Variants in PPARG observed in about 807,000 individuals in gnomAD.
PPARG encodes peroxisome proliferator-activated receptor gamma.
In PPARG, 17 loss-of-function variants were observed where a neutral mutation model predicts 39.2. The ratio of observed to expected loss-of-function variants is 0.43; its 90% confidence interval spans 0.30 to 0.65. PPARG has a LOEUF of 0.65. PPARG is among the 30% of genes least tolerant of loss of function. PPARG has a pLI of 0.13. For missense variants in PPARG, 406 were observed against 585.9 expected, an observed-to-expected ratio of 0.69 and a Z score of 3.17; for synonymous variants, 223 against 215.7, an observed-to-expected ratio of 1.03 and a Z score of -0.30.
Position 12,348,630 on chromosome 3 carries a change from A to G in PPARG, c.-8-31074A>G, listed in dbSNP as rs559028354. Among the ~76,000 whole-genome samples the G allele has an allele frequency of 1.1e-4, 17 of 152,260 alleles. No homozygotes were observed. In the South Asian group the frequency reaches 3.3e-3, roughly 30 times the overall value. On this transcript the variant is annotated intron_variant, in intron 2 of 7. Transcript: ENST00000651735. ...CCTAGGAGAGATGGCCCTCTTCTCA[A>G]CCTCTACATTGCACAGAACCTTACA...
chr3:12,397,966 T>G (rs1387771635), intron 5 of PPARG, among the ~76,000 whole-genome samples: 1 of 152,102 alleles, frequency 6.6e-6, no homozygotes, highest in Non-Finnish European at 1.5e-5. Flanking sequence ...GGCTTATGCT[T>G]GGATACCTCT....
chr3:12,402,160 C>T (rs547946737), intron 5 of PPARG, among the ~76,000 whole-genome samples: 2 of 152,202 alleles, frequency 1.3e-5, no homozygotes, highest in South Asian at 4.1e-4. Flanking sequence ...ATGCCTGGCG[C>T]ACAATAGTCA....
At chr3:12,302,691 T>G (rs554957771) in intron 1 of PPARG, among the ~76,000 whole-genome samples, 1 of 152,226 alleles carries the variant, frequency 6.6e-6, no homozygotes, top group Admixed American at 6.5e-5. Flanking sequence ...AGAAACATGG[T>G]TGGAAGTGTA....
intron 6 of PPARG, among the ~76,000 whole-genome samples, chr3:12,408,841 A>T (rs1040458908): frequency 1.8e-4 from 5 of 27,066 alleles, no homozygotes; most frequent in African/African-American, 6.0e-4. Context: ...AAAGACTGAT[A>T]AAAAAAAAGC....
At chr3:12,339,981 G>A (rs372663654) in intron 2 of PPARG, among the ~76,000 whole-genome samples, 15 of 152,226 alleles carry the variant, frequency 9.9e-5, no homozygotes, top group Non-Finnish European at 1.6e-4. Flanking sequence ...TGAAAGTTCC[G>A]TACAAGACTG....
rs543941421 is a variant in PPARG, at chr3:12,379,336, T to G, written c.-8-368T>G. On this transcript the variant is annotated intron_variant, in intron 2 of 7. Coordinates refer to ENST00000651735, the MANE Select transcript of PPARG (RefSeq NM_138711.6). ...CCTTAAGTTTAAAAATTTTTGTCTA[T>G]TATACTCAATAAAGCTGGACAAAAT... 2.0e-5 allele frequency among the ~76,000 whole-genome samples: 3 copies of G among 152,254 alleles called. No individual in the cohort carries two copies. In the East Asian group the frequency reaches 5.8e-4, roughly 29 times the overall value.
At chr3:12,290,544 C>G (rs2046623541) in intron 1 of PPARG, among the ~76,000 whole-genome samples, 1 of 151,812 alleles carries the variant, frequency 6.6e-6, no homozygotes, top group African/African-American at 2.4e-5. Flanking sequence ...CTAGATTATG[C>G]TTTAAATTGC....
At chr3:12,399,490 G>A in intron 5 of PPARG, 1 of 427,652 alleles carries the variant, frequency 2.3e-6, no homozygotes, top group Middle Eastern at 3.5e-4. Context: ...AGGAGGCTGA[G>A]GTAGGAGCTT....
chr3:12,340,182 C>T (rs1486722642), intron 2 of PPARG, among the ~76,000 whole-genome samples: 2 of 152,172 alleles, frequency 1.3e-5, no homozygotes, highest in African/African-American at 4.8e-5. Flanking sequence ...TCTCCTGCTG[C>T]CTAAGGAAGG....
At chr3:12,404,929 G>A (rs932653851) in intron 5 of PPARG, among the ~76,000 whole-genome samples, 4 of 152,182 alleles carry the variant, frequency 2.6e-5, no homozygotes, top group Admixed American at 6.5e-5. Flanking sequence ...TAGTGAAGCC[G>A]ATCACCATAA....
At chr3:12,393,573 A>G (rs949823768) in intron 5 of PPARG, among the ~76,000 whole-genome samples, 1 of 152,176 alleles carries the variant, frequency 6.6e-6, no homozygotes, top group African/African-American at 2.4e-5. Flanking sequence ...GTAACTTGAT[A>G]GTATTATATG....
Position 12,318,241 on chromosome 3 carries a change from G to GT in PPARG, c.-9+5795dup, listed in dbSNP as rs199566793. 9.9e-3 allele frequency among the ~76,000 whole-genome samples: 1,499 copies of GT among 152,096 alleles called. 10 individuals are homozygous for GT. The highest frequency in any genetic ancestry group is 0.025 in the African/African-American group (1,037 of 41,486). On this transcript the variant is annotated intron_variant, in intron 2 of 7. Transcript: ENST00000651735. ...CTCCTGCCTTGGCCTCCCAAATGGT[G>GT]TTTTTTTAAAAAACCCAGCTTAATA...
At chr3:12,315,429 G>C (rs371933798) in intron 2 of PPARG, among the ~76,000 whole-genome samples, 1 of 152,144 alleles carries the variant, frequency 6.6e-6, no homozygotes, top group South Asian at 2.1e-4. Context: ...GTGGTAACTG[G>C]GGGGAAGCTG....
At chr3:12,296,251 T>A (rs1474904609) in intron 1 of PPARG, among the ~76,000 whole-genome samples, 1 of 62,146 alleles carries the variant, frequency 1.6e-5, no homozygotes, top group Non-Finnish European at 3.0e-5. Flanking sequence ...CAACACTTTG[T>A]CTCAAAAAAA....
chr3:12,426,855 TG>T (rs1459408544), intron 7 of PPARG, among the ~76,000 whole-genome samples: 2 of 152,200 alleles, frequency 1.3e-5, no homozygotes, highest in Non-Finnish European at 2.9e-5. Context: ...TTAAGGAACT[TG>T]CCCAAGGTTA....
At chr3:12,394,726 CA>C (rs1156877718) in intron 5 of PPARG, among the ~76,000 whole-genome samples, 7 of 152,170 alleles carry the variant, frequency 4.6e-5, no homozygotes, top group Non-Finnish European at 1.0e-4. Context: ...ATCAGACTAA[CA>C]ACAAGGTTTT....
At chr3:12,339,682 G>A (rs1192422086) in intron 2 of PPARG, among the ~76,000 whole-genome samples, 1 of 152,136 alleles carries the variant, frequency 6.6e-6, no homozygotes, top group Non-Finnish European at 1.5e-5. Context: ...GGCAAGGCCT[G>A]GGCAAGTCAC....
At chr3:12,414,307 A>T (rs912396800) in intron 6 of PPARG, among the ~76,000 whole-genome samples, 49 of 152,116 alleles carry the variant, frequency 3.2e-4, no homozygotes, top group African/African-American at 1.0e-3. Flanking sequence ...TCATTTTCTC[A>T]TGACATGAAA....
intron 4 of PPARG, among the ~76,000 whole-genome samples, chr3:12,390,637 CT>C (rs35190152): frequency 8.2e-4 from 76 of 92,378 alleles, no homozygotes; most frequent in East Asian, 1.2e-3. Flanking sequence ...TATTTTCTTC[CT>C]TTTTTTTTTT....
Sources: allele counts gnomAD v4.1 joint callset (sites outside exome capture counted in the v4.1 genomes callset), GRCh38; gene constraint gnomAD v4.1.1; transcripts MANE v1.5; gene names NCBI Gene and HGNC (gene_info 2026-07-23, HGNC 2026-07-21).